The following PTPRN2 variants were observed in gnomAD, a reference collection of about 807,000 sequenced individuals.
PTPRN2 encodes the protein protein tyrosine phosphatase receptor type N2, also known as receptor-type tyrosine-protein phosphatase N2.
Under a neutral mutation model 118.8 loss-of-function variants are expected in PTPRN2, and 74 were observed. The ratio of observed to expected loss-of-function variants is 0.62; its 90% CI spans 0.52 to 0.76. The LOEUF is 0.76. Among genes scored for constraint, PTPRN2 ranks in the 30% least tolerant of loss-of-function variants. The pLI is 0.00. For synonymous variants in PTPRN2, 641 were observed against 608.0 expected, an observed-to-expected ratio of 1.05 and a Z score of -0.80; for missense variants, 1,481 against 1,394.4, an observed-to-expected ratio of 1.06 and a Z score of -0.99.
chr7:158,371,320 A>G, intron 2 of PTPRN2, among the ~76,000 whole-genome samples: 1 of 150,008 alleles, frequency 6.7e-6, no homozygotes, highest in Non-Finnish European at 1.5e-5. Context: ...GAGACTTCCT[A>G]AACAAGCAAA....
chr7:157,713,917 C>G (rs530328599), intron 12 of PTPRN2, among the ~76,000 whole-genome samples: 1 of 152,184 alleles, frequency 6.6e-6, no homozygotes, highest in Non-Finnish European at 1.5e-5. Flanking sequence ...CTCCCCTTCA[C>G]GAAGGAGCGG....
intron 2 of PTPRN2, among the ~76,000 whole-genome samples, chr7:158,317,795 T>G (rs945827201): frequency 2.6e-5 from 4 of 152,194 alleles, no homozygotes; most frequent in African/African-American, 9.7e-5. Context: ...GCCATTCAAA[T>G]GCAACAAGTG....
At chr7:157,965,350 A>G (rs1412143380) in intron 11 of PTPRN2, among the ~76,000 whole-genome samples, 4 of 152,142 alleles carry the variant, frequency 2.6e-5, no homozygotes, top group Non-Finnish European at 4.4e-5. Flanking sequence ...ACATAAAGAG[A>G]CGGTGCCCCT....
chr7:158,190,834 G>A (rs1235134231), intron 5 of PTPRN2, among the ~76,000 whole-genome samples: 1 of 152,264 alleles, frequency 6.6e-6, no homozygotes, highest in Non-Finnish European at 1.5e-5. Context: ...ACTGGCTTCT[G>A]CATTCAAACG....
At chr7:157,727,005 G>A (rs1353005402) in intron 12 of PTPRN2, among the ~76,000 whole-genome samples, 1 of 152,220 alleles carries the variant, frequency 6.6e-6, no homozygotes, top group African/African-American at 2.4e-5. Flanking sequence ...GAAAGTAACA[G>A]GTGCTGGTGA....
intron 12 of PTPRN2, among the ~76,000 whole-genome samples, chr7:157,726,863 C>T (rs1189607176): frequency 6.6e-6 from 1 of 152,204 alleles, no homozygotes; most frequent in African/African-American, 2.4e-5. Context: ...ACACATGTTT[C>T]TCCAAAGAAG....
chr7:157,784,284 G>A lies in PTPRN2; in HGVS notation c.1789-101347C>T, dbSNP rs990650715. On this transcript the variant is annotated intron_variant, in intron 12 of 22. Coordinates refer to ENST00000389418, the MANE Select transcript of PTPRN2 (RefSeq NM_002847.5). The surrounding 1 kb of genome is among the most constrained non-coding windows in gnomAD (Gnocchi z 4.6). ...TCTCAGGAGGCCAAGTGGGGGGCCTGCCCCCACCTCTGGGGTCTCAGCATC... is the reference window on the plus strand; with the variant it reads ...TCTCAGGAGGCCAAGTGGGGGGCCTACCCCCACCTCTGGGGTCTCAGCATC... Among the ~76,000 whole-genome samples, 11 of 152,148 alleles carry A rather than the reference G, an allele frequency of 7.2e-5. No homozygotes were observed. The highest frequency in any genetic ancestry group is 1.5e-4 in the Non-Finnish European group (10 of 68,022).
chr7:158,092,967 G>C (rs1467706152), intron 10 of PTPRN2, among the ~76,000 whole-genome samples: 1 of 152,224 alleles, frequency 6.6e-6, no homozygotes. Context: ...CTATTTTATA[G>C]ATGAATAAGT....
chr7:157,876,757 G>A (rs977017700), intron 12 of PTPRN2, among the ~76,000 whole-genome samples: 1 of 152,200 alleles, frequency 6.6e-6, no homozygotes, highest in Non-Finnish European at 1.5e-5. Flanking sequence ...TGCACCCCAG[G>A]GCGGAGAACT....
intron 3 of PTPRN2, among the ~76,000 whole-genome samples, chr7:158,283,031 C>A (rs1799532356): frequency 6.6e-6 from 1 of 152,262 alleles, no homozygotes; most frequent in Non-Finnish European, 1.5e-5. Context: ...GATGGCTGAT[C>A]CCTCCTCGTG....
chr7:157,539,555 A>T lies in PTPRN2; in HGVS notation c.*1159T>A, dbSNP rs1197331375. 1 of 152,226 alleles carries T rather than the reference A, an allele frequency of 6.6e-6. No homozygotes were observed. The highest frequency in any genetic ancestry group is 1.5e-5 in the Non-Finnish European group (1 of 68,052). The allele number at this position is 152,226 out of a possible 1,614,324, so 9.4% of individuals were successfully genotyped here. A position where few individuals can be genotyped will look rare whatever the true frequency, so the allele number is the denominator to read the frequency against. On this transcript the variant is annotated 3_prime_UTR_variant, in exon 23 of 23. Coordinates refer to ENST00000389418, the MANE Select transcript of PTPRN2 (RefSeq NM_002847.5). ...CGGATACTCAAATGTTATTTTGTCA[A>T]ATCCGAATCATCTCTACGTGCTTAG...
chr7:157,785,747 C>T lies in PTPRN2; in HGVS notation c.1789-102810G>A, dbSNP rs1207184279. Reference sequence around the variant, plus strand: ...AAGCATGGCGGGAGGGGAGAAGAATCGCGATCCTTTCCAGGTACACAGTCT... The same window carrying T: ...AAGCATGGCGGGAGGGGAGAAGAATTGCGATCCTTTCCAGGTACACAGTCT... On this transcript the variant is annotated intron_variant, in intron 12 of 22. Transcript: ENST00000389418. This position sits in a 1 kb window ranked among gnomAD's most constrained non-coding sequence, Gnocchi z 7.3. Among the ~76,000 whole-genome samples, 3 of 152,128 alleles carry T rather than the reference C, an allele frequency of 2.0e-5. No homozygotes were observed. The highest frequency in any genetic ancestry group is 7.2e-5 in the African/African-American group (3 of 41,424).
At chr7:157,719,594 A>G (rs370305303) in intron 12 of PTPRN2, among the ~76,000 whole-genome samples, 52 of 152,354 alleles carry the variant, frequency 3.4e-4, no homozygotes, top group African/African-American at 1.2e-3. Flanking sequence ...GGCAGAAAGA[A>G]TAACAGCCAG....
intron 5 of PTPRN2, among the ~76,000 whole-genome samples, chr7:158,191,763 G>T (rs1825783989): frequency 6.6e-6 from 1 of 152,114 alleles, no homozygotes; most frequent in South Asian, 2.1e-4. Flanking sequence ...CCTGTCTGGG[G>T]TCTGTGTGCC....
intron 2 of PTPRN2, among the ~76,000 whole-genome samples, chr7:158,322,656 G>C (rs967088891): frequency 4.7e-5 from 5 of 107,068 alleles, no homozygotes; most frequent in African/African-American, 1.8e-4. Context: ...GTGGGGACAA[G>C]GCCTTGCAGT....
intron 2 of PTPRN2, among the ~76,000 whole-genome samples, chr7:158,488,548 G>A (rs1031426072): frequency 1.3e-5 from 2 of 152,312 alleles, no homozygotes; most frequent in Admixed American, 6.5e-5. Context: ...CGAGCTCCTC[G>A]GTTTCGCTTC....
At chr7:158,100,760 GC>G (rs2150346058) in intron 10 of PTPRN2, among the ~76,000 whole-genome samples, 1 of 152,134 alleles carries the variant, frequency 6.6e-6, no homozygotes, top group South Asian at 2.1e-4. Context: ...TTTGTTTCTT[GC>G]TAATGTGAGT....
intron 12 of PTPRN2, among the ~76,000 whole-genome samples, chr7:157,866,373 C>T (rs2151248337): frequency 6.6e-6 from 1 of 152,250 alleles, no homozygotes; most frequent in South Asian, 2.1e-4. Context: ...CACACATACA[C>T]ATGAGCACAC....
intron 12 of PTPRN2, among the ~76,000 whole-genome samples, chr7:157,886,349 TG>T (rs1189243066): frequency 1.1e-4 from 17 of 151,990 alleles, no homozygotes; most frequent in Admixed American, 1.1e-3. Context: ...CAGCTGAAAA[TG>T]TTAGAAAAGG....
Sources: gnomAD v4.1 joint callset for allele counts (sites outside exome capture counted in the v4.1 genomes callset) on GRCh38, gnomAD v4.1.1 for gene constraint, Gnocchi (gnomAD v3.1) non-coding constraint, MANE v1.5 for transcripts, NCBI Gene and HGNC (gene_info 2026-07-23, HGNC 2026-07-21) for gene names.